POLR2M: variants seen among roughly 807,000 people sequenced by gnomAD.
The protein encoded by POLR2M is RNA polymerase II subunit M.
POLR2M carries 30 observed loss-of-function variants against 34.6 expected under a neutral mutation model. That is an observed-to-expected ratio of 0.87 (90% CI 0.65 to 1.18). The LOEUF (loss-of-function observed/expected upper bound fraction) is 1.18. POLR2M is among the 50% of genes most tolerant of loss of function. The pLI is 0.00. For synonymous variants in POLR2M, 150 were observed against 166.7 expected, an observed-to-expected ratio of 0.90 and a Z score of 0.77; for missense variants, 432 against 448.7, an observed-to-expected ratio of 0.96 and a Z score of 0.34.
rs369464810 is a variant in POLR2M at position 57,708,887 on chromosome 15, C to T, written c.287C>T (p.Thr96Ile). 19 of 1,613,910 alleles carry T rather than the reference C, an allele frequency of 1.2e-5. No homozygotes were observed. The highest frequency in any genetic ancestry group is 1.6e-5 in the Non-Finnish European group (19 of 1,179,934). Residue 96 changes from threonine (T) to isoleucine (I), a missense_variant, in exon 2 of 4, where the codon ACA becomes ATA. Coordinates refer to ENST00000299638, the MANE Select transcript of POLR2M (RefSeq NM_015532.5). ...QKAIAEVDVG[T>I]DKAQNSDPIL... ...GCAATTGCAGAAGTTGATGTGGGTA[C>T]AGATAAGGCCCAGAATTCTGACCCG...
At position 57,709,443 on chromosome 15, in the gene POLR2M, C is replaced by T. The variant is rs1413778198; in HGVS notation, c.758+85C>T. On this transcript the variant is annotated intron_variant, in intron 2 of 3. Transcript: ENST00000299638. Reference sequence around the variant, plus strand: ...TTACGAGAAACTGGGTGTGGTGGTGCTTGCCTGTAGTCCCAGGCTACTCAG... The same window carrying T: ...TTACGAGAAACTGGGTGTGGTGGTGTTTGCCTGTAGTCCCAGGCTACTCAG... 1.0e-5 allele frequency: 15 copies of T among 1,485,258 alleles called. No homozygotes were observed. The South Asian group carries it at 1.2e-4, about 12-fold the overall frequency. The allele number at this position is 1,485,258 out of a possible 1,614,324, so 92.0% of individuals were successfully genotyped here. A position where few individuals can be genotyped will look rare whatever the true frequency, so the allele number is the denominator to read the frequency against.
At position 57,715,560 on chromosome 15, in the gene POLR2M, A is replaced by G. The variant is rs1440820433; in HGVS notation, c.*881A>G. 1.3e-5 allele frequency: 2 copies of G among 152,094 alleles called. No homozygotes were observed. The highest frequency in any genetic ancestry group is 2.9e-5 in the Non-Finnish European group (2 of 68,026). The allele number at this position is 152,094 out of a possible 1,614,324, so 9.4% of individuals were successfully genotyped here. A position where few individuals can be genotyped will look rare whatever the true frequency, so the allele number is the denominator to read the frequency against. Reference sequence around the variant, plus strand: ...CACAGATGATAGGTTCATGTACACAACATTAATGTTTGATAAGGAAAGCAT... The same window carrying G: ...CACAGATGATAGGTTCATGTACACAGCATTAATGTTTGATAAGGAAAGCAT... On this transcript the variant is annotated 3_prime_UTR_variant, in exon 4 of 4. Coordinates refer to ENST00000299638, the MANE Select transcript of POLR2M (RefSeq NM_015532.5).
chr15:57,710,883 T>A (rs192238794), intron 2 of POLR2M, among the ~76,000 whole-genome samples: 38 of 151,978 alleles, frequency 2.5e-4, no homozygotes, highest in African/African-American at 8.4e-4. Flanking sequence ...GAAGGTGGGG[T>A]CAGGTAGTGT....
intron 3 of POLR2M, among the ~76,000 whole-genome samples, chr15:57,713,999 C>G (rs1567270487): frequency 6.6e-6 from 1 of 151,754 alleles, no homozygotes; most frequent in African/African-American, 2.4e-5. Context: ...AGGCACCCGC[C>G]ACCACGCCCG....
At position 57,713,050 on chromosome 15, in the gene POLR2M, C is replaced by T. The variant is rs777769811; in HGVS notation, c.963+862C>T. On this transcript the variant is annotated intron_variant, in intron 3 of 3. Coordinates refer to ENST00000299638, the MANE Select transcript of POLR2M (RefSeq NM_015532.5). ...ACTCCATCTTTACCAAAAAATTAGC[C>T]GGGCATTGGGGCATGCAACTGTGGT... Among the ~76,000 whole-genome samples, 12 of 151,978 alleles carry T rather than the reference C, an allele frequency of 7.9e-5. No individual in the cohort carries two copies. The South Asian group carries it at 1.2e-3, about 16-fold the overall frequency.
rs117810557 is a variant in POLR2M at position 57,712,225 on chromosome 15, G to A, written c.963+37G>A. 0.032 allele frequency: 51,103 copies of A among 1,609,404 alleles called. 948 individuals are homozygous for A. The highest frequency in any genetic ancestry group is 0.036 in the Non-Finnish European group (41,834 of 1,176,964). ...ATTTTTTTTCTTGTCTGTTTGTTGGGTGCTGCTTACATAAGCTAGAATTTA... is the reference window on the plus strand; with the variant it reads ...ATTTTTTTTCTTGTCTGTTTGTTGGATGCTGCTTACATAAGCTAGAATTTA... On this transcript the variant is annotated intron_variant, in intron 3 of 3. Coordinates refer to ENST00000299638, the MANE Select transcript of POLR2M (RefSeq NM_015532.5).
chr15:57,712,764 A>C (rs1489680051), intron 3 of POLR2M, among the ~76,000 whole-genome samples: 1 of 152,166 alleles, frequency 6.6e-6, no homozygotes, highest in South Asian at 2.1e-4. Context: ...CTTTGTTTCC[A>C]TGTGTTTTGC....
At position 57,706,748 on chromosome 15, in the gene POLR2M, C is replaced by A. The variant is rs1228359760; in HGVS notation, c.-95C>A. ...GGAAAATGGCGACTCCCGCTCGTGCCCCGGAGTCACCGCCGTCCGCGGATC... is the reference window on the plus strand; with the variant it reads ...GGAAAATGGCGACTCCCGCTCGTGCACCGGAGTCACCGCCGTCCGCGGATC... On this transcript the variant is annotated 5_prime_UTR_variant, in exon 1 of 4. Coordinates refer to ENST00000299638, the MANE Select transcript of POLR2M (RefSeq NM_015532.5). 7 of 1,407,404 alleles carry A rather than the reference C, an allele frequency of 5.0e-6. No individual in the cohort carries two copies. Among genetic ancestry groups the A allele is most frequent in the Non-Finnish European group, 6.8e-6 (7 of 1,034,652 alleles). 87.2% of individuals were successfully genotyped at this position (1,407,404 alleles called of 1,614,324 possible). A position where few individuals can be genotyped will look rare whatever the true frequency, so the allele number is the denominator to read the frequency against.
At chr15:57,714,515 G>T in intron 3 of POLR2M, 21 bp from the exon 4 acceptor site, 1 of 1,612,024 alleles carries the variant, frequency 6.2e-7, no homozygotes, top group Non-Finnish European at 8.5e-7. Flanking sequence ...GTAACTTTGT[G>T]CTTTGCTCTT....
chr15:57,708,320 A>T (rs1415610018), intron 1 of POLR2M, among the ~76,000 whole-genome samples: 1 of 152,230 alleles, frequency 6.6e-6, no homozygotes, highest in East Asian at 1.9e-4. Flanking sequence ...GGGAAATAAT[A>T]TCTTAGTATT....
At chr15:57,707,101 G>C (rs935211579) in intron 1 of POLR2M, 146 bp downstream of exon 1, 3 of 1,547,274 alleles carry the variant, frequency 1.9e-6, no homozygotes, top group South Asian at 1.2e-5. Flanking sequence ...GCGAGTGGAC[G>C]GAGGGCTTGC....
intron 2 of POLR2M, among the ~76,000 whole-genome samples, chr15:57,710,806 A>T (rs1595984784): frequency 6.6e-6 from 1 of 152,162 alleles, no homozygotes; most frequent in Non-Finnish European, 1.5e-5. Context: ...CAGGGCTTTG[A>T]GGAGTCCTTA....
At chr15:57,708,026 T>G (rs936963764) in intron 1 of POLR2M, among the ~76,000 whole-genome samples, 1 of 152,220 alleles carries the variant, frequency 6.6e-6, no homozygotes, top group East Asian at 1.9e-4. Flanking sequence ...AATAATTGGT[T>G]GGGATCAAGA....
Position 57,714,633 on chromosome 15 carries a change from G to C in POLR2M, c.1061G>C (p.Arg354Pro). 3 of 1,612,538 alleles carry C rather than the reference G, an allele frequency of 1.9e-6. No homozygotes were observed. The highest frequency in any genetic ancestry group is 1.1e-5 in the South Asian group (1 of 91,004). ...GAAGGGGAGTCTTCAGGGAGATACC[G>C]AGAAGTAAGGGATGAAGATGACGAT... The part of the protein sequence containing the change: ...NPEGESSGRY[R>P]EVRDEDDDWS... The change falls in exon 4 of 4, where the codon CGA (arginine) becomes CCA (proline). Residue 354 changes from arginine to proline, a missense_variant. Transcript: ENST00000299638.
chr15:57,711,264 ACT>A (rs1185394441), intron 2 of POLR2M, among the ~76,000 whole-genome samples: 1 of 150,952 alleles, frequency 6.6e-6, no homozygotes, highest in African/African-American at 2.4e-5. Flanking sequence ...CGAAGTGAAG[ACT>A]CTCATCTCTC....
At position 57,706,809 on chromosome 15, in the gene POLR2M, T is replaced by G; in HGVS notation, c.-34T>G. The G allele has an allele frequency of 6.5e-7, 1 of 1,540,672 alleles. No homozygotes were observed. The highest frequency in any genetic ancestry group is 8.8e-7 in the Non-Finnish European group (1 of 1,139,126). On this transcript the variant is annotated 5_prime_UTR_variant, in exon 1 of 4. Transcript: ENST00000299638. ...AGCGGGGCCTGCCGAGGAAGCCGAG[T>G]GCCCGCCGCCGCGCCAGCCTCAGCC... is the stretch of plus-strand genomic sequence containing the variant.
chr15:57,714,391 C>T (rs1429398663), intron 3 of POLR2M, 145 bp from the exon 4 acceptor site: 5 of 1,367,466 alleles, frequency 3.7e-6, no homozygotes, highest in Non-Finnish European at 5.0e-6. Flanking sequence ...TGATAGGGCA[C>T]AGCCATCAGG....
intron 1 of POLR2M, chr15:57,707,467 G>C: frequency 1.8e-6 from 1 of 553,760 alleles, no homozygotes. Context: ...TGTTTTTTAG[G>C]CAGCTTTGTT....
intron 3 of POLR2M, among the ~76,000 whole-genome samples, chr15:57,713,500 AGAG>A (rs2040821381): frequency 6.6e-6 from 1 of 152,116 alleles, no homozygotes; most frequent in African/African-American, 2.4e-5. Flanking sequence ...CATGGCTTGA[AGAG>A]GAGGACATCA....
Sources: allele counts gnomAD v4.1 joint callset (sites outside exome capture counted in the v4.1 genomes callset), GRCh38; gene constraint gnomAD v4.1.1; transcripts MANE v1.5; gene names NCBI Gene and HGNC (gene_info 2026-07-23, HGNC 2026-07-21).